PHKB: variants seen among roughly 807,000 people sequenced by gnomAD.
The protein encoded by PHKB is phosphorylase b kinase regulatory subunit beta.
In PHKB, 122 loss-of-function variants were observed where a neutral mutation model predicts 152.1. That is an observed-to-expected ratio of 0.80 (90% CI 0.69 to 0.93). PHKB has a LOEUF of 0.93. Among genes scored for constraint, PHKB ranks in the 40% least tolerant of loss-of-function variants. The pLI, the probability that PHKB is intolerant of heterozygous loss-of-function variation, is 0.00. For missense variants in PHKB, 1,304 were observed against 1,328.4 expected, an observed-to-expected ratio of 0.98 and a Z score of 0.29; for synonymous variants, 436 against 464.9, an observed-to-expected ratio of 0.94 and a Z score of 0.80.
chr16:47,594,120 T>C lies in PHKB; in HGVS notation c.1127-17T>C, dbSNP rs1212816675. 2 of 1,360,368 alleles carry C rather than the reference T, an allele frequency of 1.5e-6. No individual in the cohort carries two copies. Among genetic ancestry groups the C allele is most frequent in the East Asian group, 4.6e-5 (2 of 43,552 alleles). 84.3% of individuals were successfully genotyped at this position (1,360,368 alleles called of 1,614,324 possible). On this transcript the variant is annotated splice_polypyrimidine_tract_variant and intron_variant, in intron 11 of 30. Transcript: ENST00000323584. ...ATTAAGCTCAGCTGCTATTGGATTT[T>C]ATATTTTATATTTTAGGAGTTTTTA...
At chr16:47,651,328 A>C (rs539243976) in intron 20 of PHKB, among the ~76,000 whole-genome samples, 33 of 152,326 alleles carry the variant, frequency 2.2e-4, no homozygotes, top group Non-Finnish European at 1.5e-4. Flanking sequence ...CCTAAATTAC[A>C]GAAACATTCT....
intron 13 of PHKB, among the ~76,000 whole-genome samples, chr16:47,608,026 G>GTTTTTAATTAATT (rs1972359011): frequency 6.8e-6 from 1 of 147,864 alleles, no homozygotes; most frequent in Non-Finnish European, 1.5e-5. Context: ...TTTTTAATGG[G>GTTTTTAATTAATT]TTTTTTTTTT....
intron 28 of PHKB, among the ~76,000 whole-genome samples, chr16:47,695,264 T>A (rs1046651891): frequency 2.6e-5 from 4 of 152,226 alleles, no homozygotes; most frequent in Admixed American, 6.5e-5. Flanking sequence ...TTGACTTTTT[T>A]AATGAGATAT....
At chr16:47,490,592 A>C (rs1018589479) in intron 1 of PHKB, among the ~76,000 whole-genome samples, 5 of 152,200 alleles carry the variant, frequency 3.3e-5, no homozygotes, top group African/African-American at 1.2e-4. Context: ...TCCAAAAGCC[A>C]GGTATCAGGA....
In PHKB at chr16:47,499,848, A is replaced by G; in HGVS notation, c.259A>G (p.Ser87Gly). ...GGDQKAKIQD[S>G]LYCAAGAWAL... is the part of the protein sequence containing the mutation. ...TGACCAGAAGGCCAAGATCCAGGAC[A>G]GCCTATACTGCGCTGCTGGGGCCTG... Residue 87 changes from serine to glycine, a missense_variant, in exon 3 of 31, where the codon AGC (serine) becomes GGC (glycine). Ser to Gly is a moderately conservative substitution (Grantham distance 56). Coordinates refer to ENST00000323584, the MANE Select transcript of PHKB (RefSeq NM_000293.3). The G allele has an allele frequency of 6.2e-7, 1 of 1,614,210 alleles. No individual in the cohort carries two copies. Among genetic ancestry groups the G allele is most frequent in the East Asian group, 2.2e-5 (1 of 44,882 alleles).
intron 14 of PHKB, among the ~76,000 whole-genome samples, chr16:47,632,361 G>A (rs1428898947): frequency 1.3e-5 from 2 of 152,134 alleles, no homozygotes. Flanking sequence ...AGTACATATG[G>A]TACATCTACA....
intron 10 of PHKB, 140 bp downstream of exon 10, chr16:47,589,242 T>C: frequency 1.6e-6 from 1 of 622,072 alleles, no homozygotes; most frequent in African/African-American, 1.8e-5. Context: ...TCTCTGTCTG[T>C]GTTTAATTTT....
intron 13 of PHKB, among the ~76,000 whole-genome samples, chr16:47,602,516 A>C (rs1421533016): frequency 4.5e-5 from 6 of 132,868 alleles, no homozygotes; most frequent in African/African-American, 1.7e-4. Context: ...TTTTTCTTCT[A>C]CTTTCTCCCT....
intron 14 of PHKB, among the ~76,000 whole-genome samples, chr16:47,625,636 G>T (rs1478853297): frequency 6.6e-6 from 1 of 152,078 alleles, no homozygotes; most frequent in Non-Finnish European, 1.5e-5. Flanking sequence ...CCCTCTAAGA[G>T]TTACTTTCTG....
chr16:47,536,987 G>T (rs1054218745), intron 6 of PHKB, among the ~76,000 whole-genome samples: 1 of 152,210 alleles, frequency 6.6e-6, no homozygotes, highest in African/African-American at 2.4e-5. Flanking sequence ...AGCCCAATTA[G>T]AACCCAGGTT....
At chr16:47,564,712 G>T (rs574631536) in intron 7 of PHKB, among the ~76,000 whole-genome samples, 91 of 152,240 alleles carry the variant, frequency 6.0e-4, no homozygotes, top group Non-Finnish European at 1.1e-3. Flanking sequence ...TTTTCTTCTA[G>T]AATTTTTATG....
At chr16:47,483,081 C>G (rs548629685) in intron 1 of PHKB, among the ~76,000 whole-genome samples, 1 of 143,212 alleles carries the variant, frequency 7.0e-6, no homozygotes, top group South Asian at 2.3e-4. Context: ...TTCTGTCACC[C>G]TGGCTGGAGT....
chr16:47,615,910 T>G (rs1006857190), intron 14 of PHKB, among the ~76,000 whole-genome samples: 1 of 152,246 alleles, frequency 6.6e-6, no homozygotes, highest in African/African-American at 2.4e-5. Flanking sequence ...TTTATTGAAG[T>G]ATAATTTGCA....
chr16:47,639,932 A>G (rs953060087), intron 14 of PHKB, among the ~76,000 whole-genome samples: 1 of 152,196 alleles, frequency 6.6e-6, no homozygotes, highest in Non-Finnish European at 1.5e-5. Context: ...CCTTTTGGAA[A>G]ACATTTAATT....
intron 13 of PHKB, among the ~76,000 whole-genome samples, chr16:47,605,347 G>C (rs1011732044): frequency 1.3e-5 from 2 of 152,128 alleles, no homozygotes; most frequent in Non-Finnish European, 2.9e-5. Context: ...GAAACACGAA[G>C]GAAATGCAAA....
chr16:47,531,157 C>A (rs1970855140), intron 6 of PHKB, among the ~76,000 whole-genome samples: 1 of 152,186 alleles, frequency 6.6e-6, no homozygotes, highest in African/African-American at 2.4e-5. Context: ...CCCCTCCCGA[C>A]ACACACATAC....
At position 47,672,973 on chromosome 16, in the gene PHKB, C is replaced by T. The variant is rs1597167920; in HGVS notation, c.2630+3556C>T. ...TTTGCTATGAAACCTTAATTATTCA[C>T]CGTCCTGAAACTCATTCTGGAATTG... On this transcript the variant is annotated intron_variant, in intron 26 of 30. Transcript: ENST00000323584. Among the ~76,000 whole-genome samples, 10 of 152,168 alleles carry T rather than the reference C, an allele frequency of 6.6e-5. No homozygotes were observed. The South Asian group carries it at 1.9e-3, about 28-fold the overall frequency.
chr16:47,656,559 G>A (rs1319860637), intron 20 of PHKB, among the ~76,000 whole-genome samples: 1 of 152,140 alleles, frequency 6.6e-6, no homozygotes, highest in Non-Finnish European at 1.5e-5. Context: ...AATTTGCCAT[G>A]TTAATCATTT....
intron 12 of PHKB, 35 bp from the exon 13 acceptor site, chr16:47,596,338 G>A: frequency 1.4e-6 from 2 of 1,424,276 alleles, no homozygotes; most frequent in Non-Finnish European, 2.0e-6. Context: ...ATACAGATTT[G>A]TTATATTTTA....
Sources: allele counts gnomAD v4.1 joint callset (sites outside exome capture counted in the v4.1 genomes callset), GRCh38; gene constraint gnomAD v4.1.1; transcripts MANE v1.5; gene names NCBI Gene and HGNC (gene_info 2026-07-23, HGNC 2026-07-21).